SLC17A4: variants seen among roughly 807,000 people sequenced by gnomAD.
The protein encoded by SLC17A4 is solute carrier family 17 member 4, also known as probable small intestine urate exporter.
SLC17A4 carries 33 observed loss-of-function variants against 52.5 expected under a neutral mutation model. That is an observed-to-expected ratio of 0.63 (90% CI 0.48 to 0.84). The LOEUF (loss-of-function observed/expected upper bound fraction) is 0.84, where lower values mean the gene tolerates loss of function less well. Ranked by LOEUF, SLC17A4 falls within the 40% of genes least tolerant of loss-of-function variation. The pLI is 0.00. For missense variants in SLC17A4, 585 were observed against 597.1 expected, an observed-to-expected ratio of 0.98 and a Z score of 0.21; for synonymous variants, 225 against 216.2, an observed-to-expected ratio of 1.04 and a Z score of -0.36.
chr6:25,761,734 C>T, intron 1 of SLC17A4, among the ~76,000 whole-genome samples, 193 bp from the exon 2 acceptor site: 1 of 151,968 alleles, frequency 6.6e-6, no homozygotes. Flanking sequence ...ATACTAAGAC[C>T]CAGGGTAAAC....
At chr6:25,769,942 T>C (rs1374735164) in intron 3 of SLC17A4, 125 bp from the exon 4 acceptor site, 1 of 793,938 alleles carries the variant, frequency 1.3e-6, no homozygotes, top group Non-Finnish European at 2.1e-6. Flanking sequence ...TACTGGTATA[T>C]TGGAGGAACT....
chr6:25,761,868 T>C (rs1334519147), intron 1 of SLC17A4, 59 bp from the exon 2 acceptor site: 1 of 955,382 alleles, frequency 1.0e-6, no homozygotes, highest in Admixed American at 2.5e-5. Context: ...TTAGAAAGAA[T>C]TGGGGTAATA....
In SLC17A4 at chr6:25,769,163, T is replaced by C; in HGVS notation, c.270T>C (p.Asn90=). 1 of 1,614,042 alleles carries C rather than the reference T, an allele frequency of 6.2e-7. No individual in the cohort carries two copies. Among genetic ancestry groups the C allele is most frequent in the Non-Finnish European group, 8.5e-7 (1 of 1,179,948 alleles). Residue 90 remains asparagine, a synonymous_variant, in exon 3 of 12, where the codon AAT becomes AAC. Coordinates refer to ENST00000377905, the MANE Select transcript of SLC17A4 (RefSeq NM_005495.3). ...RPSTDSQGYW[N]ETLKEFKAMA... ...CCACTGACTCCCAGGGCTACTGGAA[T>C]GAAACTCTAAAAGAATTTAAAGCAA...
At chr6:25,770,890 C>T in intron 5 of SLC17A4, 36 bp from the exon 6 acceptor site, 1 of 1,532,582 alleles carries the variant, frequency 6.5e-7, no homozygotes, top group Non-Finnish European at 9.0e-7. Flanking sequence ...CAAGACGAGT[C>T]CTCTCACCCA....
At chr6:25,777,480 G>A (rs1395752403) in intron 10 of SLC17A4, 1 of 156,710 alleles carries the variant, frequency 6.4e-6, no homozygotes, top group Non-Finnish European at 1.4e-5. Flanking sequence ...TGTCACAGGG[G>A]AGCCGACGTC....
intron 5 of SLC17A4, among the ~76,000 whole-genome samples, chr6:25,770,684 T>G (rs1424317024): frequency 6.6e-6 from 1 of 152,224 alleles, no homozygotes; most frequent in Non-Finnish European, 1.5e-5. Flanking sequence ...TATTTTCATC[T>G]TATCCTCAAA....
intron 6 of SLC17A4, among the ~76,000 whole-genome samples, chr6:25,772,320 T>A (rs905035210): frequency 3.9e-5 from 6 of 152,204 alleles, no homozygotes; most frequent in African/African-American, 1.4e-4. Context: ...ACATTGCTAA[T>A]TTTCATATCT....
At position 25,779,156 on chromosome 6, in the gene SLC17A4, T is replaced by A; in HGVS notation, c.1462T>A (p.Trp488Arg). 1.2e-6 allele frequency: 2 copies of A among 1,613,900 alleles called. No homozygotes were observed. Among genetic ancestry groups the A allele is most frequent in the South Asian group, 2.2e-5 (2 of 91,068 alleles). Residue 488 changes from tryptophan to arginine, a missense_variant, in exon 12 of 12, where the codon TGG (tryptophan) becomes AGG (arginine). By Grantham distance (101) the Trp-to-Arg change is moderately radical. Transcript: ENST00000377905. ...LIFGRADVQD[W>R]AKEQTFTHL ...CTTTGGCCGAGCAGATGTGCAGGAC[T>A]GGGCTAAAGAGCAGACATTCACCCA...
chr6:25,761,531 A>G (rs1761531368), intron 1 of SLC17A4, among the ~76,000 whole-genome samples: 1 of 152,192 alleles, frequency 6.6e-6, no homozygotes, highest in African/African-American at 2.4e-5. Flanking sequence ...TGTAATATGT[A>G]TAGGTGTTTA....
Position 25,773,614 on chromosome 6 carries a change from T to C in SLC17A4, c.927T>C (p.Tyr309=), listed in dbSNP as rs748890837. 6.2e-7 allele frequency: 1 copy of C among 1,613,986 alleles called. No individual in the cohort carries two copies. The highest frequency in any genetic ancestry group is 2.2e-5 in the East Asian group (1 of 44,880). ...VSYFCEYWLF[Y]TIMAYTPTYI... is the part of the protein sequence containing the mutation. ...ATTTCTGTGAATACTGGCTTTTTTA[T>C]ACCATTATGGCGTACACACCAACGT... is the stretch of plus-strand genomic sequence containing the variant. Residue 309 remains tyrosine, a synonymous_variant, in exon 8 of 12, where the codon TAT becomes TAC. Transcript: ENST00000377905.
chr6:25,763,640 G>C (rs181645428), intron 2 of SLC17A4, among the ~76,000 whole-genome samples: 1 of 151,958 alleles, frequency 6.6e-6, no homozygotes, highest in African/African-American at 2.4e-5. Context: ...GGGTTCCATG[G>C]GATGTGGAGA....
chr6:25,761,882 T>C (rs901266216), intron 1 of SLC17A4, 45 bp from the exon 2 acceptor site: 4 of 1,150,248 alleles, frequency 3.5e-6, no homozygotes, highest in Non-Finnish European at 3.8e-6. Context: ...GGTAATATCA[T>C]ATAAGATTCT....
At chr6:25,762,199 T>C (rs1168426436) in intron 2 of SLC17A4, 146 bp downstream of exon 2, 4 of 647,672 alleles carry the variant, frequency 6.2e-6, no homozygotes, top group African/African-American at 1.8e-5. Context: ...AATAATTCTA[T>C]ACGGTTATAC....
Position 25,761,922 on chromosome 6 carries a change from T to A in SLC17A4, c.-36-5T>A, listed in dbSNP as rs772360876. ...GTATTTTCTTTTGTATTCTTTTTATTTCAGTAAGTAAATGCCAGTCCCTAG... is the reference window on the plus strand; with the variant it reads ...GTATTTTCTTTTGTATTCTTTTTATATCAGTAAGTAAATGCCAGTCCCTAG... On this transcript the variant is annotated splice_region_variant and splice_polypyrimidine_tract_variant and intron_variant, in intron 1 of 11. Coordinates refer to ENST00000377905, the MANE Select transcript of SLC17A4 (RefSeq NM_005495.3). 10 of 1,507,374 alleles carry A rather than the reference T, an allele frequency of 6.6e-6. No individual in the cohort carries two copies. The highest frequency in any genetic ancestry group is 9.2e-6 in the Non-Finnish European group (10 of 1,089,410). 93.4% of individuals were successfully genotyped at this position (1,507,374 alleles called of 1,614,324 possible).
intron 1 of SLC17A4, 65 bp from the exon 2 acceptor site, chr6:25,761,862 A>G: frequency 1.1e-6 from 1 of 917,134 alleles, no homozygotes; most frequent in South Asian, 1.8e-5. Flanking sequence ...TAGTTCTTAG[A>G]AAGAATTGGG....
rs1561806715 is a variant in SLC17A4, at chr6:25,770,451, T to C, written c.599T>C (p.Leu200Pro). The C allele has an allele frequency of 1.9e-6, 3 of 1,614,058 alleles. No individual in the cohort carries two copies. The highest frequency in any genetic ancestry group is 1.7e-5 in the Admixed American group (1 of 60,014). ...KWAPPLERSQ[L>P]TTIAGSGSML... ...GCTCCCCCACTGGAAAGGAGTCAAC[T>C]CACCACCATTGCTGGATCAGGTAAC... The change falls in exon 5 of 12, where the codon CTC (leucine) becomes CCC (proline). Residue 200 changes from leucine (L) to proline (P), a missense_variant. Physicochemically the swap from Leu to Pro is moderately conservative, Grantham distance 98. Transcript: ENST00000377905.
intron 1 of SLC17A4, 88 bp from the exon 2 acceptor site, chr6:25,761,839 C>T (rs1761561954): frequency 2.8e-6 from 2 of 706,270 alleles, no homozygotes; most frequent in Admixed American, 3.2e-5. Flanking sequence ...TCTTATACAG[C>T]AACATTTGCT....
chr6:25,759,938 T>C (rs959678238), intron 1 of SLC17A4, among the ~76,000 whole-genome samples: 1 of 152,212 alleles, frequency 6.6e-6, no homozygotes, highest in Non-Finnish European at 1.5e-5. Flanking sequence ...GCTCCTGACT[T>C]TTTGCTTTTA....
chr6:25,761,953 G>A lies in SLC17A4; in HGVS notation c.-10G>A. On this transcript the variant is annotated 5_prime_UTR_variant, in exon 2 of 12. Transcript: ENST00000377905. Reference sequence around the variant, plus strand: ...AAGTAAATGCCAGTCCCTAGGAAGAGAGAACCAAAATGTCTACCGGACCAG... The same window carrying A: ...AAGTAAATGCCAGTCCCTAGGAAGAAAGAACCAAAATGTCTACCGGACCAG... 1 of 1,611,456 alleles carries A rather than the reference G, an allele frequency of 6.2e-7. No individual in the cohort carries two copies. Among genetic ancestry groups the A allele is most frequent in the Middle Eastern group, 1.7e-4 (1 of 6,052 alleles).
Sources: allele counts gnomAD v4.1 joint callset (sites outside exome capture counted in the v4.1 genomes callset), GRCh38; gene constraint gnomAD v4.1.1; transcripts MANE v1.5; gene names NCBI Gene and HGNC (gene_info 2026-07-23, HGNC 2026-07-21).